The following DNAH14 variants were observed in gnomAD, a reference collection of about 807,000 sequenced individuals.
DNAH14 encodes the protein axonemal beta dynein heavy chain 14.
A neutral mutation model predicts 520.9 loss-of-function variants in DNAH14; 478 were observed. The observed-to-expected ratio is 0.92, with a 90% CI of 0.85 to 0.99. The LOEUF is 0.99. Ranked by LOEUF, DNAH14 falls within the 50% of genes least tolerant of loss-of-function variation. The pLI, the probability that DNAH14 is intolerant of heterozygous loss-of-function variation, is 0.00. For missense variants in DNAH14, 4,831 were observed against 5,234.5 expected, an observed-to-expected ratio of 0.92 and a Z score of 2.38; for synonymous variants, 1,581 against 1,757.2, an observed-to-expected ratio of 0.90 and a Z score of 2.51.
At chr1:225,043,846 A>T (rs2148235441) in intron 14 of DNAH14, 40 bp from the exon 15 acceptor site, 2 of 1,470,018 alleles carry the variant, frequency 1.4e-6, no homozygotes, top group African/African-American at 1.4e-5. Context: ...GGTAGTTATT[A>T]TATTCCTCTG....
At chr1:224,988,930 C>T (rs1361060986) in intron 8 of DNAH14, among the ~76,000 whole-genome samples, 7 of 152,202 alleles carry the variant, frequency 4.6e-5, no homozygotes, top group Admixed American at 2.0e-4. Context: ...CCACTGTGCC[C>T]AGCCTGAACT....
chr1:224,977,525 A>C (rs2061947658), intron 8 of DNAH14, among the ~76,000 whole-genome samples: 1 of 152,200 alleles, frequency 6.6e-6, no homozygotes, highest in African/African-American at 2.4e-5. Flanking sequence ...GATAAATAAC[A>C]ATAAATCAAG....
chr1:225,022,654 T>C (rs952266427), intron 10 of DNAH14, among the ~76,000 whole-genome samples: 10 of 152,142 alleles, frequency 6.6e-5, no homozygotes, highest in African/African-American at 1.9e-4. Context: ...GCAATGTAAA[T>C]TAGTTCAGCC....
chr1:225,073,312 G>A (rs1045385760), intron 17 of DNAH14, among the ~76,000 whole-genome samples: 6 of 152,114 alleles, frequency 3.9e-5, no homozygotes, highest in Non-Finnish European at 5.9e-5. Context: ...AGTTGCCCAA[G>A]CAGCAAAGAT....
At chr1:225,351,998 A>G in intron 72 of DNAH14, 115 bp downstream of exon 72, 1 of 771,556 alleles carries the variant, frequency 1.3e-6, no homozygotes. Context: ...AGGGAGGACT[A>G]TAACTACATT....
intron 44 of DNAH14, among the ~76,000 whole-genome samples, chr1:225,253,024 G>A (rs1484276931): frequency 6.6e-6 from 1 of 151,980 alleles, no homozygotes; most frequent in Admixed American, 6.6e-5. Flanking sequence ...TTGCTTTGAA[G>A]TCAGATTTCT....
chr1:225,049,544 T>A (rs1454513089), intron 15 of DNAH14, among the ~76,000 whole-genome samples: 1 of 152,228 alleles, frequency 6.6e-6, no homozygotes, highest in Non-Finnish European at 1.5e-5. Context: ...TTACTTTTGA[T>A]AAAGTACAGC....
chr1:225,369,247 G>A (rs1047044231), intron 77 of DNAH14, among the ~76,000 whole-genome samples: 1 of 152,044 alleles, frequency 6.6e-6, no homozygotes, highest in Non-Finnish European at 1.5e-5. Flanking sequence ...AATGTTATCA[G>A]TCATTTATTA....
At chr1:225,274,228 G>C (rs1369857303) in intron 52 of DNAH14, among the ~76,000 whole-genome samples, 1 of 87,920 alleles carries the variant, frequency 1.1e-5, no homozygotes, top group Non-Finnish European at 2.3e-5. Context: ...TTTTTGAGAC[G>C]GAGTCTCGTT....
chr1:225,346,640 A>T lies in DNAH14; in HGVS notation c.11282A>T (p.Gln3761Leu), dbSNP rs1017021103. The T allele has an allele frequency of 3.2e-6, 5 of 1,543,496 alleles. No individual in the cohort carries two copies. Among genetic ancestry groups the T allele is most frequent in the Non-Finnish European group, 4.4e-6 (5 of 1,143,410 alleles). ...ILINIKSALS[Q>L]SRLTSTFEIG... ...ATAAATATTAAAAGTGCATTATCCC[A>T]GTCTAGACTTACTAGTAAGTAAAAG... The change falls in exon 71 of 86, where the codon CAG becomes CTG. Residue 3761 changes from glutamine to leucine, a missense_variant. Transcript: ENST00000682510.
rs908297354 is a variant in DNAH14 at position 225,251,148 on chromosome 1, G to A, written c.6749-1153G>A. ...AGATTATACACTAAAATGGATGCTA[G>A]GCCTAAATATAAATTGTAAAACTAT... On this transcript the variant is annotated intron_variant, in intron 43 of 85. Coordinates refer to ENST00000682510, the MANE Select transcript of DNAH14 (RefSeq NM_001367479.1). Among the ~76,000 whole-genome samples, 4 of 151,882 alleles carry A rather than the reference G, an allele frequency of 2.6e-5. No homozygotes were observed. In the South Asian group the frequency reaches 6.2e-4, roughly 24 times the overall value.
intron 27 of DNAH14, among the ~76,000 whole-genome samples, chr1:225,128,392 A>G (rs1487614512): frequency 1.3e-5 from 2 of 152,188 alleles, no homozygotes; most frequent in African/African-American, 4.8e-5. Context: ...AATATCCTTG[A>G]TGAACATCGA....
intron 66 of DNAH14, among the ~76,000 whole-genome samples, chr1:225,336,118 C>T (rs559377100): frequency 6.7e-6 from 1 of 148,714 alleles, no homozygotes; most frequent in East Asian, 2.0e-4. Flanking sequence ...TAAGACTACA[C>T]ATATGTATGT....
At chr1:225,393,693 G>A (rs1332762294) in intron 84 of DNAH14, among the ~76,000 whole-genome samples, 1 of 152,116 alleles carries the variant, frequency 6.6e-6, no homozygotes, top group East Asian at 1.9e-4. Context: ...CAATGTGGTT[G>A]TACCAATCCA....
intron 52 of DNAH14, among the ~76,000 whole-genome samples, chr1:225,273,335 G>A (rs1385133962): frequency 1.3e-5 from 2 of 152,362 alleles, no homozygotes; most frequent in Middle Eastern, 3.4e-3. Context: ...GGGAGGCTGA[G>A]GCGGAGAATG....
At chr1:225,282,289 T>G (rs1212210548) in intron 54 of DNAH14, among the ~76,000 whole-genome samples, 1 of 152,180 alleles carries the variant, frequency 6.6e-6, no homozygotes, top group Admixed American at 6.5e-5. Context: ...GTTTTGGGCC[T>G]GGCTGTGGTC....
intron 34 of DNAH14, among the ~76,000 whole-genome samples, chr1:225,154,987 G>T (rs2149109071): frequency 6.6e-6 from 1 of 152,140 alleles, no homozygotes; most frequent in Non-Finnish European, 1.5e-5. Flanking sequence ...TCAACAGATA[G>T]TTCTTGGAAA....
At chr1:224,996,261 A>C (rs2063384846) in intron 8 of DNAH14, among the ~76,000 whole-genome samples, 1 of 151,790 alleles carries the variant, frequency 6.6e-6, no homozygotes, top group African/African-American at 2.4e-5. Context: ...GGGCTCAAGC[A>C]ATCCTCCTCA....
At chr1:225,367,405 A>G (rs1216117779) in intron 76 of DNAH14, among the ~76,000 whole-genome samples, 1 of 151,940 alleles carries the variant, frequency 6.6e-6, no homozygotes, top group African/African-American at 2.4e-5. Flanking sequence ...ATGATGTGGG[A>G]CCCTCTGTAT....
Sources: gnomAD v4.1 joint callset for allele counts (sites outside exome capture counted in the v4.1 genomes callset) on GRCh38, gnomAD v4.1.1 for gene constraint, MANE v1.5 for transcripts, NCBI Gene and HGNC (gene_info 2026-07-23, HGNC 2026-07-21) for gene names.